Variants in MYO1C observed in about 807,000 individuals in gnomAD.
The protein encoded by MYO1C is unconventional myosin-Ic.
A neutral mutation model predicts 150.8 loss-of-function variants in MYO1C; 104 were observed. The observed-to-expected ratio is 0.69, with a 90% CI of 0.59 to 0.81. MYO1C has a LOEUF of 0.81. Among genes scored for constraint, MYO1C ranks in the 30% least tolerant of loss-of-function variants. MYO1C has a pLI of 0.00. For synonymous variants in MYO1C, 663 were observed against 579.9 expected (o/e 1.14, Z -2.06); for missense variants, 1,504 against 1,435.0 (o/e 1.05, Z -0.78).
At position 1,483,063 on chromosome 17, in the gene MYO1C, G is replaced by A. The variant is rs909470796; in HGVS notation, c.348-4C>T. 1 of 1,597,782 alleles carries A rather than the reference G, an allele frequency of 6.3e-7. No homozygotes were observed. The highest frequency in any genetic ancestry group is 8.5e-7 in the Non-Finnish European group (1 of 1,172,998). The stretch of plus-strand genomic sequence containing the variant: ...CACAGTGTCCGCCACGGCAAACCTG[G>A]GGCGGAGGCTCGTCAGGGAGTTTGG... On this transcript the variant is annotated splice_region_variant and splice_polypyrimidine_tract_variant and intron_variant, in intron 3 of 31. Coordinates refer to ENST00000648651, the MANE Select transcript of MYO1C (RefSeq NM_001080779.2).
chr17:1,478,325 A>G lies in MYO1C; in HGVS notation c.1295+85T>C, dbSNP rs2150951661. ...AGTCCCCGGCTGGCTGGGGAGTCAC[A>G]GGGCAGGAATGAGAGGCTGGAGGAC... On this transcript the variant is annotated intron_variant, in intron 11 of 31. Transcript: ENST00000648651. This position sits in a 1 kb window ranked among gnomAD's most constrained non-coding sequence, Gnocchi z 6.3. The G allele has an allele frequency of 6.3e-7, 1 of 1,581,290 alleles. No individual in the cohort carries two copies. The highest frequency in any genetic ancestry group is 8.7e-7 in the Non-Finnish European group (1 of 1,150,460).
Position 1,479,669 on chromosome 17 carries a change from C to A in MYO1C, c.943G>T (p.Gly315Cys). 1 of 1,613,470 alleles carries A rather than the reference C, an allele frequency of 6.2e-7. No homozygotes were observed. Residue 315 changes from glycine to cysteine, a missense_variant, in exon 8 of 32, where the codon GGC (glycine) becomes TGC (cysteine). Transcript: ENST00000648651. This position sits in a 1 kb window ranked among gnomAD's most constrained non-coding sequence, Gnocchi z 4.2. The part of the protein sequence containing the change: ...LSIVASVLHL[G>C]NIHFAANEES... Reference sequence around the variant, plus strand: ...TCGTTGGCAGCAAAGTGGATGTTGCCCAAATGAAGGACGCTGGCCACGATG... The same window carrying A: ...TCGTTGGCAGCAAAGTGGATGTTGCACAAATGAAGGACGCTGGCCACGATG...
chr17:1,489,584 G>A lies in MYO1C; in HGVS notation c.75+2829C>T, dbSNP rs1042186398. On this transcript the variant is annotated intron_variant, in intron 1 of 31. Coordinates refer to ENST00000648651, the MANE Select transcript of MYO1C (RefSeq NM_001080779.2). ...GGTCCCAGCTACTTGGAAGGCTAAG[G>A]TGGGAGGATTGCTTGAGCCCAAGAG... Among the ~76,000 whole-genome samples the A allele has an allele frequency of 2.0e-5, 3 of 152,156 alleles. 1 individual carries two copies. The highest frequency in any genetic ancestry group is 4.4e-5 in the Non-Finnish European group (3 of 68,030).
chr17:1,483,875 T>G, intron 2 of MYO1C, 150 bp from the exon 3 acceptor site: 1 of 728,712 alleles, frequency 1.4e-6, no homozygotes, highest in South Asian at 1.8e-5. Flanking sequence ...GAAATCCGTC[T>G]CTACTAAAAA....
chr17:1,484,799 G>A (rs1447617859), intron 1 of MYO1C: 2 of 387,362 alleles, frequency 5.2e-6, no homozygotes, highest in Non-Finnish European at 1.0e-5. Flanking sequence ...CCTCAGCTCT[G>A]AGCCACGTGT....
intron 4 of MYO1C, 23 bp downstream of exon 4, chr17:1,482,838 G>T: frequency 6.2e-7 from 1 of 1,606,910 alleles, no homozygotes. Context: ...CACTGGCACT[G>T]GGCTTCTCTC....
intron 7 of MYO1C, 32 bp downstream of exon 7, chr17:1,480,495 G>A (rs747638218): frequency 1.9e-6 from 3 of 1,550,238 alleles, no homozygotes; most frequent in East Asian, 2.2e-5. Context: ...GGTGTGACAG[G>A]AGGAAAGCGA....
intron 19 of MYO1C, among the ~76,000 whole-genome samples, chr17:1,471,597 C>T (rs2074304953): frequency 6.6e-6 from 1 of 152,212 alleles, no homozygotes; most frequent in Non-Finnish European, 1.5e-5. Context: ...AGCTGCTCCA[C>T]CCTTTCGGAG....
intron 24 of MYO1C, 85 bp downstream of exon 24, chr17:1,470,090 C>T: frequency 7.0e-7 from 1 of 1,424,798 alleles, no homozygotes; most frequent in South Asian, 1.4e-5. Flanking sequence ...TGAGCCCTCC[C>T]TGACCAATCC....
At chr17:1,484,882 A>AACCCCC in intron 1 of MYO1C, 1 of 267,224 alleles carries the variant, frequency 3.7e-6, no homozygotes, top group Non-Finnish European at 7.1e-6. Context: ...TCCCACCCAG[A>AACCCCC]CCCACCCCCA....
intron 17 of MYO1C, among the ~76,000 whole-genome samples, chr17:1,473,604 G>A (rs2074346454): frequency 6.6e-6 from 1 of 152,070 alleles, no homozygotes; most frequent in Non-Finnish European, 1.5e-5. Context: ...GGGCTCCCCT[G>A]ACCCTCTTTT....
rs757389559 is a variant in MYO1C at position 1,465,422 on chromosome 17, A to C, written c.*304T>G. 34 of 328,278 alleles carry C rather than the reference A, an allele frequency of 1.0e-4. No homozygotes were observed. The Middle Eastern group carries it at 2.4e-3, about 23-fold the overall frequency. 20.3% of individuals were successfully genotyped at this position (328,278 alleles called of 1,614,324 possible). On this transcript the variant is annotated 3_prime_UTR_variant, in exon 32 of 32. Transcript: ENST00000648651. Reference sequence around the variant, plus strand: ...ATAGTTTCCTATAAAGCATCAAAAAAACCTCAGAGAAAACCTCAGCAAAAG... The same window carrying C: ...ATAGTTTCCTATAAAGCATCAAAAACACCTCAGAGAAAACCTCAGCAAAAG...
chr17:1,489,119 CCACAGCTTGTCT>C (rs1478570467), intron 1 of MYO1C, among the ~76,000 whole-genome samples: 3 of 152,238 alleles, frequency 2.0e-5, no homozygotes, highest in Non-Finnish European at 4.4e-5. Flanking sequence ...AGAAAGGCAG[CCACAGCTTGTCT>C]CACGGGTGGC....
At chr17:1,487,260 C>T (rs2074673103) in intron 1 of MYO1C, among the ~76,000 whole-genome samples, 1 of 152,240 alleles carries the variant, frequency 6.6e-6, no homozygotes, top group Non-Finnish European at 1.5e-5. Context: ...GCCACGCTTC[C>T]GATCCGGTGG....
Position 1,470,514 on chromosome 17 carries a change from A to G in MYO1C, c.2287T>C (p.Cys763Arg). 2 of 1,553,152 alleles carry G rather than the reference A, an allele frequency of 1.3e-6. No individual in the cohort carries two copies. The highest frequency in any genetic ancestry group is 2.4e-5 in the South Asian group (2 of 84,442). ...KFLRVKRSAI[C>R]IQSWWRGTLG... ...GTTCCACGCCACCACGACTGGATGC[A>G]GATGGCTGTCGTGGAGACCACAGAT... is the stretch of plus-strand genomic sequence containing the variant. Residue 763 changes from cysteine (C) to arginine (R), a missense_variant, in exon 23 of 32, where the codon TGC becomes CGC. Transcript: ENST00000648651.
rs1344881921 is a variant in MYO1C at position 1,485,036 on chromosome 17, G to T, written c.76-733C>A. 4.5e-6 allele frequency: 5 copies of T among 1,105,566 alleles called. No homozygotes were observed. The South Asian group carries it at 5.2e-5, about 11-fold the overall frequency. 68.5% of individuals were successfully genotyped at this position (1,105,566 alleles called of 1,614,324 possible). ...GGAGGCCCTCCCTCGCATGGCTGGG[G>T]CCACTCCCTTTCCTCCAGCTGCTGG... On this transcript the variant is annotated intron_variant, in intron 1 of 31. Coordinates refer to ENST00000648651, the MANE Select transcript of MYO1C (RefSeq NM_001080779.2).
intron 1 of MYO1C, chr17:1,486,908 T>C (rs1478368227): frequency 6.6e-6 from 1 of 152,380 alleles, no homozygotes; most frequent in Non-Finnish European, 1.5e-5. Flanking sequence ...AGAACCTCCC[T>C]CGCTTGGCTC....
Position 1,485,592 on chromosome 17 carries a change from A to G in MYO1C, c.76-1289T>C, listed in dbSNP as rs2074636343. On this transcript the variant is annotated intron_variant, in intron 1 of 31. Transcript: ENST00000648651. ...TTCCCGGGACGTTTTTCCACCCGGA[A>G]TTCCTGGGCCGCGCCCGCTTCCTGG... is the stretch of plus-strand genomic sequence containing the variant. 1.1e-5 allele frequency: 10 copies of G among 921,062 alleles called. No individual in the cohort carries two copies. In the South Asian group the frequency reaches 4.1e-4, roughly 38 times the overall value. 57.1% of individuals were successfully genotyped at this position (921,062 alleles called of 1,614,324 possible). A position where few individuals can be genotyped will look rare whatever the true frequency, so the allele number is the denominator to read the frequency against.
intron 13 of MYO1C, 77 bp from the exon 14 acceptor site, chr17:1,477,673 G>A: frequency 1.6e-6 from 2 of 1,222,498 alleles, no homozygotes; most frequent in Admixed American, 3.5e-5. Flanking sequence ...CACCGTGCTG[G>A]GAGGCACAGA....
Sources: gnomAD v4.1 joint callset for allele counts (sites outside exome capture counted in the v4.1 genomes callset) on GRCh38, gnomAD v4.1.1 for gene constraint, Gnocchi (gnomAD v3.1) non-coding constraint, MANE v1.5 for transcripts, NCBI Gene and HGNC (gene_info 2026-07-23, HGNC 2026-07-21) for gene names.